HSPBAP1: variants seen among roughly 807,000 people sequenced by gnomAD.
HSPBAP1 encodes HSPB1 associated protein 1, also known as HSPB1-associated protein 1.
In HSPBAP1, 27 loss-of-function variants were observed where a neutral mutation model predicts 45.2. The ratio of observed to expected loss-of-function variants is 0.60; its 90% confidence interval spans 0.44 to 0.82. The LOEUF (loss-of-function observed/expected upper bound fraction) is 0.82, where lower values mean the gene tolerates loss of function less well. HSPBAP1 is among the 40% of genes least tolerant of loss of function. The pLI is 0.00. For missense variants in HSPBAP1, 510 were observed against 590.9 expected (o/e 0.86, Z 1.42); for synonymous variants, 204 against 202.7 (o/e 1.01, Z -0.06).
chr3:122,762,049 A>G (rs1392537208), intron 3 of HSPBAP1: 1 of 152,088 alleles, frequency 6.6e-6, no homozygotes, highest in Non-Finnish European at 1.5e-5. Flanking sequence ...AGTTGGAAAA[A>G]TCTTTAAAAA....
intron 1 of HSPBAP1, among the ~76,000 whole-genome samples, chr3:122,784,715 G>A (rs1038911291): frequency 6.6e-6 from 1 of 152,256 alleles, no homozygotes; most frequent in African/African-American, 2.4e-5. Context: ...AACCAGAGAT[G>A]TGGGGTGGGA....
At chr3:122,789,667 A>G (rs1935762272) in intron 1 of HSPBAP1, among the ~76,000 whole-genome samples, 1 of 152,196 alleles carries the variant, frequency 6.6e-6, no homozygotes, top group South Asian at 2.1e-4. Context: ...CCTGATTTTT[A>G]GCAATGTATA....
At chr3:122,745,576 C>T (rs1309802064) in intron 6 of HSPBAP1, among the ~76,000 whole-genome samples, 1 of 152,206 alleles carries the variant, frequency 6.6e-6, no homozygotes, top group Non-Finnish European at 1.5e-5. Context: ...TTCCACTCCA[C>T]ACAGTATACA....
Position 122,740,528 on chromosome 3 carries a change from C to T in HSPBAP1, c.1284G>A (p.Leu428=). 6.2e-7 allele frequency: 1 copy of T among 1,614,214 alleles called. No individual in the cohort carries two copies. Among genetic ancestry groups the T allele is most frequent in the Non-Finnish European group, 8.5e-7 (1 of 1,180,048 alleles). The part of the protein sequence containing the change: ...VDKDGEHFGK[L]HCAKRQQIMS... ...TTATTTGTTGTCTCTTGGCACAATGCAATTTTCCAAAGTGTTCTCCATCCT... is the reference window on the plus strand; with the variant it reads ...TTATTTGTTGTCTCTTGGCACAATGTAATTTTCCAAAGTGTTCTCCATCCT... Residue 428 remains leucine, a synonymous_variant, in exon 8 of 8, where the codon TTG becomes TTA. Transcript: ENST00000306103.
chr3:122,793,741 A>G lies in HSPBAP1; in HGVS notation c.-61T>C. 6.6e-7 allele frequency: 1 copy of G among 1,513,622 alleles called. No homozygotes were observed. The highest frequency in any genetic ancestry group is 1.4e-5 in the African/African-American group (1 of 73,164). The allele number at this position is 1,513,622 out of a possible 1,614,324, so 93.8% of individuals were successfully genotyped here. ...CGGAGCGGAGCTGGGGTGGGGTCAG[A>G]GTAGGGGCCAAACTCCGAGACCCGA... On this transcript the variant is annotated 5_prime_UTR_variant, in exon 1 of 8. Transcript: ENST00000306103.
chr3:122,791,491 G>A (rs1355330802), intron 1 of HSPBAP1, among the ~76,000 whole-genome samples: 2 of 152,194 alleles, frequency 1.3e-5, no homozygotes, highest in African/African-American at 4.8e-5. Flanking sequence ...CTGGGCACAT[G>A]GTAGAGAATG....
intron 1 of HSPBAP1, among the ~76,000 whole-genome samples, chr3:122,782,449 G>A (rs1208986314): frequency 6.6e-6 from 1 of 152,086 alleles, no homozygotes; most frequent in Non-Finnish European, 1.5e-5. Flanking sequence ...GTAAAGATTA[G>A]TAATTTTTGA....
intron 6 of HSPBAP1, among the ~76,000 whole-genome samples, chr3:122,747,448 G>C (rs529427552): frequency 1.0e-3 from 151 of 145,488 alleles, no homozygotes; most frequent in Non-Finnish European, 1.9e-3. Flanking sequence ...AGTGAGGAGC[G>C]TCTCCGCCCG....
chr3:122,757,169 G>T (rs1934386908), intron 4 of HSPBAP1, among the ~76,000 whole-genome samples: 1 of 152,184 alleles, frequency 6.6e-6, no homozygotes, highest in African/African-American at 2.4e-5. Flanking sequence ...ATTAGAAAAG[G>T]TATTCAATCA....
At chr3:122,758,778 T>C (rs1934445739) in intron 4 of HSPBAP1, 1 of 454,344 alleles carries the variant, frequency 2.2e-6, no homozygotes, top group Non-Finnish European at 4.4e-6. Context: ...ACACCTGTAG[T>C]CCTAGATACT....
chr3:122,752,695 G>A (rs1934202533), intron 5 of HSPBAP1, 21 bp from the exon 6 acceptor site: 1 of 1,574,164 alleles, frequency 6.4e-7, no homozygotes, highest in Non-Finnish European at 8.6e-7. Flanking sequence ...AACAAAGAAT[G>A]GTTAGCACAA....
intron 1 of HSPBAP1, among the ~76,000 whole-genome samples, chr3:122,792,808 T>C (rs1351751765): frequency 6.6e-6 from 1 of 151,056 alleles, no homozygotes; most frequent in African/African-American, 2.4e-5. Flanking sequence ...GAGGTGGAGG[T>C]TGCAGTGAGC....
intron 1 of HSPBAP1, among the ~76,000 whole-genome samples, chr3:122,789,024 C>A (rs1235190311): frequency 6.6e-6 from 1 of 152,160 alleles, no homozygotes; most frequent in Non-Finnish European, 1.5e-5. Context: ...AAAATTTTAT[C>A]TACATTATGA....
intron 5 of HSPBAP1, 72 bp from the exon 6 acceptor site, chr3:122,752,746 T>C: frequency 2.1e-6 from 3 of 1,437,366 alleles, no homozygotes; most frequent in Admixed American, 2.6e-5. Flanking sequence ...CAGACCCTAA[T>C]TGAGGCTGCT....
At chr3:122,781,896 T>C (rs1469693072) in intron 1 of HSPBAP1, among the ~76,000 whole-genome samples, 1 of 152,190 alleles carries the variant, frequency 6.6e-6, no homozygotes, top group East Asian at 1.9e-4. Context: ...GCAGATTCCA[T>C]CTCTTTGCTA....
At chr3:122,748,451 T>C (rs1456655084) in intron 6 of HSPBAP1, among the ~76,000 whole-genome samples, 1 of 151,424 alleles carries the variant, frequency 6.6e-6, no homozygotes, top group African/African-American at 2.4e-5. Flanking sequence ...TCCAAATGGA[T>C]AAGAGATCGA....
intron 1 of HSPBAP1, among the ~76,000 whole-genome samples, chr3:122,789,965 C>A (rs377567033): frequency 6.7e-6 from 1 of 150,312 alleles, no homozygotes; most frequent in African/African-American, 2.5e-5. Context: ...CAGGTTCAAA[C>A]GATTCTTGTG....
At chr3:122,741,255 C>A (rs376809993) in intron 6 of HSPBAP1, 142 bp from the exon 7 acceptor site, 27 of 651,110 alleles carry the variant, frequency 4.1e-5, no homozygotes, top group African/African-American at 2.9e-4. Context: ...ATTGGTAGAA[C>A]CACAATTTTT....
chr3:122,745,128 T>C (rs1406347301), intron 6 of HSPBAP1, among the ~76,000 whole-genome samples: 1 of 152,198 alleles, frequency 6.6e-6, no homozygotes, highest in African/African-American at 2.4e-5. Context: ...TCCCCTATTA[T>C]TAATGAATTG....
Sources: allele counts gnomAD v4.1 joint callset (sites outside exome capture counted in the v4.1 genomes callset), GRCh38; gene constraint gnomAD v4.1.1; transcripts MANE v1.5; gene names NCBI Gene and HGNC (gene_info 2026-07-23, HGNC 2026-07-21).